AKT3: variants seen among roughly 807,000 people sequenced by gnomAD.
AKT3 encodes RAC-gamma serine/threonine-protein kinase.
Under a neutral mutation model 65.3 loss-of-function variants are expected in AKT3, and 15 were observed. That is an observed-to-expected ratio of 0.23 (90% CI 0.15 to 0.35). The LOEUF (loss-of-function observed/expected upper bound fraction) is 0.35. Among genes scored for constraint, AKT3 ranks in the 10% least tolerant of loss-of-function variants. The pLI is 1.00. For synonymous variants in AKT3, 206 were observed against 183.8 expected, an observed-to-expected ratio of 1.12 and a Z score of -0.98; for missense variants, 243 against 576.5, an observed-to-expected ratio of 0.42 and a Z score of 5.92.
At chr1:243,792,748 T>C (rs1691706934) in intron 2 of AKT3, among the ~76,000 whole-genome samples, 1 of 152,144 alleles carries the variant, frequency 6.6e-6, no homozygotes, top group Non-Finnish European at 1.5e-5. Context: ...AGAAAAGCAA[T>C]GGCCATTCCT....
chr1:243,498,969 G>A (rs938360394), downstream of AKT3, among the ~76,000 whole-genome samples: 3 of 152,252 alleles, frequency 2.0e-5, no homozygotes, highest in Admixed American at 6.5e-5. Flanking sequence ...GAGGACTGTG[G>A]CCCAGTCACC....
chr1:243,710,967 G>A (rs1044081120), intron 2 of AKT3, among the ~76,000 whole-genome samples: 1 of 152,126 alleles, frequency 6.6e-6, no homozygotes, highest in Non-Finnish European at 1.5e-5. Context: ...GAAAAGTTCA[G>A]CTCCAAAATA....
At chr1:243,622,426 T>G (rs1678823458) in intron 6 of AKT3, among the ~76,000 whole-genome samples, 1 of 152,242 alleles carries the variant, frequency 6.6e-6, no homozygotes, top group South Asian at 2.1e-4. Context: ...TATTACATAC[T>G]CTATGGTTTA....
At chr1:243,787,511 T>A (rs906245291) in intron 2 of AKT3, among the ~76,000 whole-genome samples, 1 of 152,202 alleles carries the variant, frequency 6.6e-6, no homozygotes, top group Admixed American at 6.5e-5. Context: ...TAACTTTGGT[T>A]AGATCAATAT....
intron 8 of AKT3, among the ~76,000 whole-genome samples, chr1:243,607,218 G>A (rs948698765): frequency 3.3e-5 from 5 of 152,146 alleles, no homozygotes; most frequent in African/African-American, 9.7e-5. Flanking sequence ...ACCCCAGAAC[G>A]GTAATCTACT....
intron 8 of AKT3, among the ~76,000 whole-genome samples, chr1:243,602,470 T>C (rs1365624710): frequency 6.6e-6 from 1 of 152,052 alleles, no homozygotes; most frequent in Non-Finnish European, 1.5e-5. Context: ...ATCATCACTA[T>C]GAATATGAAA....
At chr1:243,846,663 A>T (rs550680177) in intron 1 of AKT3, among the ~76,000 whole-genome samples, 1 of 152,216 alleles carries the variant, frequency 6.6e-6, no homozygotes, top group East Asian at 1.9e-4. Context: ...TTTTAAACAA[A>T]TGAAAGGTGA....
intron 8 of AKT3, among the ~76,000 whole-genome samples, chr1:243,597,267 G>T (rs762883057): frequency 6.6e-5 from 10 of 152,146 alleles, no homozygotes; most frequent in Non-Finnish European, 1.3e-4. Context: ...AATGATTTGG[G>T]AAGGTTTTAA....
In AKT3 at chr1:243,500,490, A is replaced by G. The variant is rs1308474091; in HGVS notation, c.*4759T>C. On this transcript the variant is annotated 3_prime_UTR_variant, in exon 14 of 14. Transcript: ENST00000673466. ...AGAAAATTTACTTAGAGTATATCAA[A>G]TATCTGTACACAGATAATTATTTGT... 4.4e-6 allele frequency: 1 copy of G among 226,226 alleles called. No homozygotes were observed. The highest frequency in any genetic ancestry group is 2.2e-5 in the African/African-American group (1 of 44,970). The allele number at this position is 226,226 out of a possible 1,614,324, so 14.0% of individuals were successfully genotyped here. A position where few individuals can be genotyped will look rare whatever the true frequency, so the allele number is the denominator to read the frequency against.
At chr1:243,830,589 TTAAA>T (rs995351017) in intron 2 of AKT3, among the ~76,000 whole-genome samples, 7 of 152,136 alleles carry the variant, frequency 4.6e-5, no homozygotes, top group African/African-American at 1.7e-4. Flanking sequence ...CTCAGAGCTG[TTAAA>T]TAATGAAACA....
At chr1:243,542,488 C>G (rs1672388217) in intron 12 of AKT3, among the ~76,000 whole-genome samples, 1 of 152,058 alleles carries the variant, frequency 6.6e-6, no homozygotes, top group Non-Finnish European at 1.5e-5. Flanking sequence ...TGTGCCATCA[C>G]CTCTCGATGT....
intron 8 of AKT3, among the ~76,000 whole-genome samples, chr1:243,585,462 G>A (rs1461319986): frequency 6.6e-6 from 1 of 151,746 alleles, no homozygotes; most frequent in Non-Finnish European, 1.5e-5. Flanking sequence ...AAGAAAGCTA[G>A]AGGTATCAAA....
At chr1:243,606,728 C>T (rs1328582754) in intron 8 of AKT3, among the ~76,000 whole-genome samples, 1 of 152,232 alleles carries the variant, frequency 6.6e-6, no homozygotes, top group East Asian at 1.9e-4. Context: ...GTCTTCAGGG[C>T]ATTTCAGAGA....
chr1:243,725,385 G>T (rs907984989), intron 2 of AKT3, among the ~76,000 whole-genome samples: 1 of 152,140 alleles, frequency 6.6e-6, no homozygotes, highest in Non-Finnish European at 1.5e-5. Context: ...AGTGACTAGA[G>T]TGAGTGAAGT....
intron 12 of AKT3, among the ~76,000 whole-genome samples, chr1:243,536,355 T>A (rs1165772140): frequency 1.3e-5 from 2 of 152,222 alleles, no homozygotes; most frequent in Non-Finnish European, 2.9e-5. Flanking sequence ...TTTTTATGGT[T>A]TCAGGTCTTA....
At chr1:243,683,661 G>C (rs536909449) in intron 3 of AKT3, among the ~76,000 whole-genome samples, 12 of 152,210 alleles carry the variant, frequency 7.9e-5, no homozygotes, top group Middle Eastern at 3.4e-3. Flanking sequence ...AGACAGAAAG[G>C]GGGGAAGGCA....
At chr1:243,512,747 T>C (rs1670097754) in intron 12 of AKT3, among the ~76,000 whole-genome samples, 2 of 152,148 alleles carry the variant, frequency 1.3e-5, no homozygotes, top group South Asian at 4.1e-4. Flanking sequence ...ACCATATTGA[T>C]GGGGAGCAGT....
At chr1:243,682,229 C>G (rs1172705202) in intron 3 of AKT3, among the ~76,000 whole-genome samples, 2 of 152,070 alleles carry the variant, frequency 1.3e-5, no homozygotes, top group Non-Finnish European at 2.9e-5. Flanking sequence ...TTATCACACG[C>G]AGGCTGCAGG....
At chr1:243,556,532 C>T (rs1673420422) in intron 10 of AKT3, among the ~76,000 whole-genome samples, 1 of 152,034 alleles carries the variant, frequency 6.6e-6, no homozygotes. Flanking sequence ...CTATGTATGC[C>T]CTGGAGTGGC....
Sources: allele counts gnomAD v4.1 joint callset (sites outside exome capture counted in the v4.1 genomes callset), GRCh38; gene constraint gnomAD v4.1.1; transcripts MANE v1.5; gene names NCBI Gene and HGNC (gene_info 2026-07-23, HGNC 2026-07-21).